SPATA24: variants seen among roughly 807,000 people sequenced by gnomAD.
SPATA24 encodes the protein spermatogenesis-associated protein 24.
Under a neutral mutation model 28.9 loss-of-function variants are expected in SPATA24, and 21 were observed. That is an observed-to-expected ratio of 0.73 (90% CI 0.52 to 1.05). The LOEUF is 1.05. Ranked by LOEUF, SPATA24 falls within the 50% of genes least tolerant of loss-of-function variation. The pLI, the probability that SPATA24 is intolerant of heterozygous loss-of-function variation, is 0.00. For synonymous variants in SPATA24, 76 were observed against 89.9 expected (o/e 0.85, Z 0.88); for missense variants, 215 against 242.9 (o/e 0.88, Z 0.76).
chr5:139,392,850 C>T (rs1455285021), downstream of SPATA24: 1 of 1,540,310 alleles, frequency 6.5e-7, no homozygotes. The surrounding 1 kb of genome is among the most constrained non-coding windows in gnomAD (Gnocchi z 5.8). Context: ...TTACCTCGGG[C>T]CGGCGACCCA....
rs1758725449 is a variant in SPATA24, at chr5:139,397,040, C to T, written c.488+1G>A. ...CCCCCAGCCGGGCCCAGACCCCTCA[C>T]CTGAAGATCTGTTTCTGCTGGCTGA... is the stretch of plus-strand genomic sequence containing the variant. On this transcript the variant is annotated splice_donor_variant, in intron 5 of 5. Coordinates refer to ENST00000450845, the MANE Select transcript of SPATA24 (RefSeq NM_194296.2). LOFTEE classifies it high-confidence loss of function. 1 of 1,551,752 alleles carries T rather than the reference C, an allele frequency of 6.4e-7. No homozygotes were observed. The highest frequency in any genetic ancestry group is 8.7e-7 in the Non-Finnish European group (1 of 1,147,000).
At chr5:139,393,316 G>T (rs1318152449), downstream of SPATA24, 6 of 1,550,884 alleles carry the variant, frequency 3.9e-6, no homozygotes, top group African/African-American at 2.7e-5. Flanking sequence ...GCTGCCGGGC[G>T]GCTCGGGTGC....
chr5:139,403,857 G>T, intron 1 of SPATA24, 87 bp downstream of exon 1: 1 of 1,169,852 alleles, frequency 8.5e-7, no homozygotes, highest in Non-Finnish European at 1.2e-6. Flanking sequence ...TTCTAGCCAC[G>T]GCCCCCGCAT....
intron 4 of SPATA24, among the ~76,000 whole-genome samples, chr5:139,400,201 C>T (rs1291240968): frequency 6.6e-6 from 1 of 152,160 alleles, no homozygotes; most frequent in East Asian, 1.9e-4. Context: ...CACATGGGAG[C>T]CCCATCAGTA....
At chr5:139,396,391 A>C, downstream of SPATA24, 1 of 985,446 alleles carries the variant, frequency 1.0e-6, no homozygotes, top group Non-Finnish European at 1.2e-6. Context: ...AGGTGTCAGC[A>C]GGTGCAAATG....
At chr5:139,392,681 G>A, downstream of SPATA24, 1 of 1,396,720 alleles carries the variant, frequency 7.2e-7, no homozygotes, top group East Asian at 2.9e-5. The surrounding 1 kb of genome is among the most constrained non-coding windows in gnomAD (Gnocchi z 5.8). Context: ...GGGGAGCCGG[G>A]GCGGGGCGAT....
downstream of SPATA24, chr5:139,392,867 G>C: frequency 6.5e-7 from 1 of 1,544,086 alleles, no homozygotes; most frequent in Non-Finnish European, 8.7e-7. This position sits in a 1 kb window ranked among gnomAD's most constrained non-coding sequence, Gnocchi z 5.8. Context: ...CCCAAGGCCA[G>C]GGCCCCAGGC....
rs575209651 is a variant in SPATA24, at chr5:139,401,714, G to A, written c.385+41C>T. On this transcript the variant is annotated intron_variant, in intron 4 of 5. Transcript: ENST00000450845. ...GCACTGGGTGGTTAGGAAAGAGCCC[G>A]TTTATATAACCGTGGTGGAGAGCAC... 1.4e-4 allele frequency: 216 copies of A among 1,544,240 alleles called. 1 individual carries two copies. Among genetic ancestry groups the A allele is most frequent in the South Asian group, 1.9e-4 (16 of 83,892 alleles).
chr5:139,394,612 T>G, downstream of SPATA24: 1 of 1,533,096 alleles, frequency 6.5e-7, no homozygotes, highest in African/African-American at 1.4e-5. Context: ...GACCTGGGAC[T>G]GGCGTGGGAC....
downstream of SPATA24, chr5:139,392,684 G>A (rs960225048): frequency 2.9e-6 from 4 of 1,394,540 alleles, no homozygotes; most frequent in Non-Finnish European, 3.7e-6. The surrounding 1 kb of genome is among the most constrained non-coding windows in gnomAD (Gnocchi z 5.8). Context: ...GAGCCGGGGC[G>A]GGGCGATCGG....
At chr5:139,401,672 C>A (rs1398783958) in intron 4 of SPATA24, 83 bp downstream of exon 4, 2 of 1,432,332 alleles carry the variant, frequency 1.4e-6, no homozygotes, top group Non-Finnish European at 1.9e-6. Flanking sequence ...TAGAGTGAAA[C>A]CCTGCCTTTG....
At chr5:139,397,645 C>A (rs2152078095) in intron 4 of SPATA24, among the ~76,000 whole-genome samples, 2 of 152,104 alleles carry the variant, frequency 1.3e-5, no homozygotes, top group Admixed American at 1.3e-4. Context: ...ACCTCCACCT[C>A]CTGAGTTCAA....
At chr5:139,396,603 A>C (rs754298495), downstream of SPATA24, 120 of 1,424,074 alleles carry the variant, frequency 8.4e-5, no homozygotes, top group Non-Finnish European at 1.0e-4. Flanking sequence ...GAAGGGATTA[A>C]ATACCCAAAG....
intron 2 of SPATA24, among the ~76,000 whole-genome samples, 194 bp downstream of exon 2, chr5:139,402,434 G>C (rs541277523): frequency 1.5e-4 from 23 of 151,576 alleles, no homozygotes; most frequent in Admixed American, 3.9e-4. Flanking sequence ...GTAGAGACAG[G>C]GTTTCACCAT....
At chr5:139,394,127 G>T, downstream of SPATA24, 1 of 1,547,712 alleles carries the variant, frequency 6.5e-7, no homozygotes. Context: ...GCGCGCTCGC[G>T]GAGGCTGGGC....
chr5:139,395,074 G>C (rs910099731), downstream of SPATA24: 1 of 1,405,288 alleles, frequency 7.1e-7, no homozygotes, highest in African/African-American at 1.5e-5. Context: ...GGCGAGCGCG[G>C]TCAGCATGGT....
At position 139,397,074 on chromosome 5, in the gene SPATA24, T is replaced by G; in HGVS notation, c.455A>C (p.Gln152Pro). 1 of 1,551,890 alleles carries G rather than the reference T, an allele frequency of 6.4e-7. No homozygotes were observed. Among genetic ancestry groups the G allele is most frequent in the Non-Finnish European group, 8.7e-7 (1 of 1,147,030 alleles). Reference protein sequence around the residue: ...NGKENEIKELQQVISQQKQIF... With the variant: ...NGKENEIKELPQVISQQKQIF... ...CTGTTTCTGCTGGCTGATAACTTGC[T>G]GCAACTCTTTAATCTCATTCTCTTT... Residue 152 changes from glutamine (Q) to proline (P), a missense_variant, in exon 5 of 6, where the codon CAG becomes CCG. Physicochemically the swap from Gln to Pro is moderately conservative, Grantham distance 76. Coordinates refer to ENST00000450845, the MANE Select transcript of SPATA24 (RefSeq NM_194296.2).
Position 139,397,070 on chromosome 5 carries a change from T to G in SPATA24, c.459A>C (p.Gln153His). The G allele has an allele frequency of 6.4e-6, 10 of 1,551,860 alleles. No homozygotes were observed. Among genetic ancestry groups the G allele is most frequent in the Middle Eastern group, 1.7e-4 (1 of 5,992 alleles). Residue 153 changes from glutamine (Q) to histidine (H), a missense_variant, in exon 5 of 6, where the codon CAA (glutamine) becomes CAC (histidine). Physicochemically the swap from Gln to His is conservative, Grantham distance 24. Coordinates refer to ENST00000450845, the MANE Select transcript of SPATA24 (RefSeq NM_194296.2). Reference protein sequence around the residue: ...GKENEIKELQQVISQQKQIFR... With the variant: ...GKENEIKELQHVISQQKQIFR... ...AGATCTGTTTCTGCTGGCTGATAAC[T>G]TGCTGCAACTCTTTAATCTCATTCT...
In SPATA24 at chr5:139,402,060, G is replaced by A; in HGVS notation, c.184-15C>T. On this transcript the variant is annotated splice_polypyrimidine_tract_variant and intron_variant, in intron 2 of 5. Coordinates refer to ENST00000450845, the MANE Select transcript of SPATA24 (RefSeq NM_194296.2). ...GCTTTCTCTTCCTGCAGGGGCAGCA[G>A]CAGTCACCTCATTACCCTAGGCCGC... The A allele has an allele frequency of 6.5e-7, 1 of 1,550,030 alleles. No individual in the cohort carries two copies. The highest frequency in any genetic ancestry group is 1.4e-5 in the African/African-American group (1 of 73,124).
Sources: allele counts gnomAD v4.1 joint callset (sites outside exome capture counted in the v4.1 genomes callset), GRCh38; gene constraint gnomAD v4.1.1; non-coding constraint Gnocchi (gnomAD v3.1); transcripts MANE v1.5; gene names NCBI Gene and HGNC (gene_info 2026-07-23, HGNC 2026-07-21).